The following GRIN2B variants were observed in gnomAD, a reference collection of about 807,000 sequenced individuals.
GRIN2B encodes the protein glutamate ionotropic receptor NMDA type subunit 2B.
GRIN2B carries 5 observed loss-of-function variants against 114.5 expected under a neutral mutation model. That is an observed-to-expected ratio of 0.04 (90% CI 0.02 to 0.09). The LOEUF is 0.09. GRIN2B is among the 10% of genes least tolerant of loss of function. The pLI is 1.00. For synonymous variants in GRIN2B, 787 were observed against 745.1 expected, an observed-to-expected ratio of 1.06 and a Z score of -0.92; for missense variants, 1,108 against 1,943.5, an observed-to-expected ratio of 0.57 and a Z score of 8.08.
At chr12:13,805,641 G>A (rs1165637737) in intron 3 of GRIN2B, among the ~76,000 whole-genome samples, 3 of 152,116 alleles carry the variant, frequency 2.0e-5, no homozygotes, top group Non-Finnish European at 2.9e-5. Context: ...TATTTATAGT[G>A]TACTACATGA....
Position 13,555,176 on chromosome 12 carries a change from T to TTAGAGGAC in GRIN2B, c.*7599_*7606dup, listed in dbSNP as rs1305603190. On this transcript the variant is annotated 3_prime_UTR_variant, in exon 14 of 14. Transcript: ENST00000609686. ...AGAGGAAGAGCAGGAACCAATGAGG[T>TTAGAGGAC]TAGAGGACCAGAGAACTAAGATTAA... 2 of 152,164 alleles carry TTAGAGGAC rather than the reference T, an allele frequency of 1.3e-5. No homozygotes were observed. The highest frequency in any genetic ancestry group is 2.9e-5 in the Non-Finnish European group (2 of 67,994). The allele number at this position is 152,164 out of a possible 1,614,324, so 9.4% of individuals were successfully genotyped here. A position where few individuals can be genotyped will look rare whatever the true frequency, so the allele number is the denominator to read the frequency against.
rs905905309 is a variant in GRIN2B at position 13,600,618 on chromosome 12, A to G, written c.2010+7985T>C. The stretch of plus-strand genomic sequence containing the variant: ...TTCCCTGTGCCTGATGATCAAATAA[A>G]GTATCTTCCAGTTCTCTGATTTAAA... On this transcript the variant is annotated intron_variant, in intron 10 of 13. Transcript: ENST00000609686. Among the ~76,000 whole-genome samples, 7 of 152,290 alleles carry G rather than the reference A, an allele frequency of 4.6e-5. No individual in the cohort carries two copies. The East Asian group carries it at 1.2e-3, about 25-fold the overall frequency.
intron 2 of GRIN2B, among the ~76,000 whole-genome samples, chr12:13,874,508 C>T (rs1011754052): frequency 1.3e-5 from 2 of 152,158 alleles, no homozygotes; most frequent in African/African-American, 4.8e-5. Flanking sequence ...CAAGAGCAGA[C>T]ATCAAAATTG....
chr12:13,676,898 G>A (rs1396531829), intron 4 of GRIN2B, among the ~76,000 whole-genome samples: 1 of 152,144 alleles, frequency 6.6e-6, no homozygotes, highest in Admixed American at 6.6e-5. Context: ...TTCACAGAGT[G>A]CTCTGGTTAC....
rs181482864 is a variant in GRIN2B, at chr12:13,811,451, T to C, written c.411+54347A>G. Among the ~76,000 whole-genome samples the C allele has an allele frequency of 2.6e-5, 4 of 152,336 alleles. No individual in the cohort carries two copies. In the East Asian group the frequency reaches 5.8e-4, roughly 22 times the overall value. ...AAAAAATTAGCTGGGCACAGTGGCA[T>C]GTGCCTGCATTTTCAGCTACTTGGA... On this transcript the variant is annotated intron_variant, in intron 3 of 13. Coordinates refer to ENST00000609686, the MANE Select transcript of GRIN2B (RefSeq NM_000834.5).
intron 2 of GRIN2B, among the ~76,000 whole-genome samples, chr12:13,940,833 C>A (rs1867233552): frequency 6.6e-6 from 1 of 152,042 alleles, no homozygotes; most frequent in African/African-American, 2.4e-5. Context: ...TATCTCTCTC[C>A]CTCCCTGCCC....
chr12:13,964,176 A>G (rs1867748789), intron 2 of GRIN2B, among the ~76,000 whole-genome samples: 1 of 152,128 alleles, frequency 6.6e-6, no homozygotes, highest in Non-Finnish European at 1.5e-5. Flanking sequence ...ATCCCTTCCT[A>G]AGTACTTGCA....
chr12:13,924,047 A>G (rs1866872299), intron 2 of GRIN2B, among the ~76,000 whole-genome samples: 1 of 152,162 alleles, frequency 6.6e-6, no homozygotes, highest in Non-Finnish European at 1.5e-5. Context: ...CCCTATAAAA[A>G]ACAGAGAATC....
chr12:13,939,779 T>C (rs779254914), intron 2 of GRIN2B, among the ~76,000 whole-genome samples: 1 of 151,994 alleles, frequency 6.6e-6, no homozygotes, highest in African/African-American at 2.4e-5. Context: ...AAATGCTTCT[T>C]GTACAGCCTG....
At chr12:13,865,286 T>C (rs1050917271) in intron 3 of GRIN2B, among the ~76,000 whole-genome samples, 8 of 152,194 alleles carry the variant, frequency 5.3e-5, no homozygotes, top group Admixed American at 2.0e-4. Context: ...AAAAACCTTT[T>C]CAAAACTATA....
At chr12:13,920,414 G>C (rs887118590) in intron 2 of GRIN2B, among the ~76,000 whole-genome samples, 2 of 152,182 alleles carry the variant, frequency 1.3e-5, no homozygotes, top group African/African-American at 4.8e-5. Context: ...AATGGAAGTA[G>C]GGAAAAGATG....
chr12:13,765,936 G>A (rs1436233052), intron 3 of GRIN2B, among the ~76,000 whole-genome samples: 3 of 152,180 alleles, frequency 2.0e-5, no homozygotes, highest in African/African-American at 7.2e-5. Flanking sequence ...TCTTTAGGAA[G>A]CACAGAGTGA....
At chr12:13,980,730 C>T (rs1157620120) in intron 1 of GRIN2B, among the ~76,000 whole-genome samples, 1 of 152,200 alleles carries the variant, frequency 6.6e-6, no homozygotes, top group Non-Finnish European at 1.5e-5. Context: ...CTTAACTCGC[C>T]AGCGAGTGCG....
intron 4 of GRIN2B, among the ~76,000 whole-genome samples, chr12:13,735,033 TGAAG>T (rs1863155244): frequency 6.6e-6 from 1 of 152,198 alleles, no homozygotes. Flanking sequence ...AGCCCAATTA[TGAAG>T]GTTAAGGCCG....
intron 3 of GRIN2B, among the ~76,000 whole-genome samples, chr12:13,761,557 T>C (rs1415716151): frequency 1.3e-5 from 2 of 152,212 alleles, no homozygotes; most frequent in Admixed American, 1.3e-4. Flanking sequence ...AAGAGCACTT[T>C]GAGAATGTGT....
chr12:13,612,572 A>C (rs1163046021), intron 8 of GRIN2B, among the ~76,000 whole-genome samples: 3 of 152,226 alleles, frequency 2.0e-5, no homozygotes, highest in Non-Finnish European at 4.4e-5. Flanking sequence ...AACCAACTAC[A>C]ATCTATCCCC....
intron 2 of GRIN2B, among the ~76,000 whole-genome samples, chr12:13,916,900 G>A (rs55697103): frequency 0.033 from 5,012 of 152,004 alleles, 292 homozygotes; most frequent in African/African-American, 0.11. Context: ...AATACCTGGC[G>A]TGGGGAAAAG....
intron 2 of GRIN2B, among the ~76,000 whole-genome samples, chr12:13,910,918 G>A (rs748524372): frequency 1.1e-4 from 16 of 151,304 alleles, no homozygotes; most frequent in Non-Finnish European, 1.3e-4. Flanking sequence ...CCATACCCCC[G>A]CTTTCACACT....
At chr12:13,968,995 A>G (rs1043483064) in intron 2 of GRIN2B, among the ~76,000 whole-genome samples, 1 of 152,270 alleles carries the variant, frequency 6.6e-6, no homozygotes, top group African/African-American at 2.4e-5. Flanking sequence ...TAGAGGAACC[A>G]GAGTCTTCAG....
Sources: gnomAD v4.1 joint callset for allele counts (sites outside exome capture counted in the v4.1 genomes callset) on GRCh38, gnomAD v4.1.1 for gene constraint, MANE v1.5 for transcripts, NCBI Gene and HGNC (gene_info 2026-07-23, HGNC 2026-07-21) for gene names.